Variants in PDE6C observed in about 807,000 individuals in gnomAD.
PDE6C encodes cone cGMP-specific 3',5'-cyclic phosphodiesterase subunit alpha'.
Under a neutral mutation model 113.1 loss-of-function variants are expected in PDE6C, and 75 were observed. The observed-to-expected ratio is 0.66, with a 90% CI of 0.55 to 0.80. The LOEUF is 0.80. Among genes scored for constraint, PDE6C ranks in the 30% least tolerant of loss-of-function variants. The probability of loss-of-function intolerance (pLI) is 0.00; values close to 1 mark genes in which losing one functional copy is unlikely to be tolerated. For synonymous variants in PDE6C, 375 were observed against 363.7 expected (o/e 1.03, Z -0.35); for missense variants, 912 against 1,038.6 (o/e 0.88, Z 1.67).
Position 93,665,413 on chromosome 10 carries a change from T to C in PDE6C, c.2572T>C (p.Leu858=), listed in dbSNP as rs1428142024. 6.3e-7 allele frequency: 1 copy of C among 1,584,936 alleles called. No homozygotes were observed. The highest frequency in any genetic ancestry group is 1.7e-5 in the Admixed American group (1 of 59,976). The change falls in exon 22 of 22, where the codon TTG becomes CTG. Residue 858 remains leucine (L), a synonymous_variant. Transcript: ENST00000371447. ...CAAAAAGTCCAAAACATGTTTAATG[T>C]TGTAATATTATCTAACTGGTCTAAA... ...DDKKSKTCLM[L]
chr10:93,665,172 A>G lies in PDE6C; in HGVS notation c.2519-188A>G, dbSNP rs1480951516. On this transcript the variant is annotated intron_variant, in intron 21 of 21. Coordinates refer to ENST00000371447, the MANE Select transcript of PDE6C (RefSeq NM_006204.4). ...GCAGGAGCCACTGCACCTAACCCAG[A>G]TTTTATTTTTTGAATGGACCAACTC... Among the ~76,000 whole-genome samples the G allele has an allele frequency of 3.3e-5, 5 of 152,090 alleles. 1 individual carries two copies. Among genetic ancestry groups the G allele is most frequent in the Non-Finnish European group, 5.9e-5 (4 of 67,994 alleles).
chr10:93,621,897 A>G (rs1303882541), intron 3 of PDE6C, 35 bp from the exon 4 acceptor site: 1 of 1,598,798 alleles, frequency 6.3e-7, no homozygotes, highest in Non-Finnish European at 8.6e-7. Context: ...AGCATACTTT[A>G]TTCTAACTGT....
intron 11 of PDE6C, among the ~76,000 whole-genome samples, chr10:93,639,359 G>C (rs1169869704): frequency 6.6e-6 from 1 of 152,178 alleles, no homozygotes; most frequent in Non-Finnish European, 1.5e-5. Flanking sequence ...TTCCTTAAGG[G>C]CAAGATACAT....
intron 4 of PDE6C, among the ~76,000 whole-genome samples, chr10:93,622,639 GTT>G (rs67350128): frequency 8.8e-6 from 1 of 113,992 alleles, no homozygotes; most frequent in East Asian, 2.7e-4. Flanking sequence ...GTAGCCACAG[GTT>G]TTTTTTTTGT....
At chr10:93,663,242 T>C in intron 21 of PDE6C, 64 bp downstream of exon 21, 1 of 1,506,878 alleles carries the variant, frequency 6.6e-7, no homozygotes, top group Non-Finnish European at 9.2e-7. Context: ...CTTAATGGCA[T>C]GTGACAAAGC....
chr10:93,646,045 G>A lies in PDE6C; in HGVS notation c.1933G>A (p.Glu645Lys). Residue 645 changes from glutamate (E) to lysine (K), a missense_variant and splice_region_variant, in exon 15 of 22, where the codon GAG becomes AAG. Transcript: ENST00000371447. ...GTACAGTAAGACTCTGTTGCAGGAT[G>A]AGGTACGTAAACCTCTCTTTAGGAC... ...LEYSKTLLQDESLNIFQNLNK... is the reference protein window; with the variant it reads ...LEYSKTLLQDKSLNIFQNLNK... The A allele has an allele frequency of 6.4e-7, 1 of 1,559,998 alleles. No homozygotes were observed. The highest frequency in any genetic ancestry group is 8.8e-7 in the Non-Finnish European group (1 of 1,130,444).
rs563506673 is a variant in PDE6C, at chr10:93,634,739, G to A, written c.1120-19G>A. On this transcript the variant is annotated intron_variant, in intron 8 of 21. Coordinates refer to ENST00000371447, the MANE Select transcript of PDE6C (RefSeq NM_006204.4). Reference sequence around the variant, plus strand: ...CTAAAAAGGCAAAAAAATAACTTGAGGTCCCTTCTCGTTTGTAGAAAGGAC... The same window carrying A: ...CTAAAAAGGCAAAAAAATAACTTGAAGTCCCTTCTCGTTTGTAGAAAGGAC... The A allele has an allele frequency of 1.2e-6, 2 of 1,613,764 alleles. No homozygotes were observed. Among genetic ancestry groups the A allele is most frequent in the South Asian group, 2.2e-5 (2 of 91,048 alleles).
rs2058524456 is a variant in PDE6C, at chr10:93,635,549, A to C, written c.1322A>C (p.Lys441Thr). ...WSLLNTDTYDKMNKLENRKDI... is the reference protein window; with the variant it reads ...WSLLNTDTYDTMNKLENRKDI... ...CTTTTAAATACTGACACCTACGATA[A>C]GATGAATAAGCTAGAAAACAGAAAG... The change falls in exon 10 of 22, where the codon AAG becomes ACG. Residue 441 changes from lysine to threonine, a missense_variant. By Grantham distance (78) the Lys-to-Thr change is moderately conservative. Transcript: ENST00000371447. The C allele has an allele frequency of 6.2e-7, 1 of 1,612,988 alleles. No individual in the cohort carries two copies. Among genetic ancestry groups the C allele is most frequent in the Admixed American group, 1.7e-5 (1 of 60,018 alleles).
chr10:93,636,205 C>T (rs1353394975), intron 10 of PDE6C, among the ~76,000 whole-genome samples: 1 of 152,206 alleles, frequency 6.6e-6, no homozygotes, highest in Non-Finnish European at 1.5e-5. Context: ...GCTCACATCA[C>T]ATTCACCAAA....
At chr10:93,633,184 G>T (rs372669500) in intron 8 of PDE6C, among the ~76,000 whole-genome samples, 3 of 152,186 alleles carry the variant, frequency 2.0e-5, no homozygotes, top group East Asian at 3.8e-4. Context: ...TGCATGCCCA[G>T]GCCAGGCATA....
In PDE6C at chr10:93,655,834, A is replaced by G; in HGVS notation, c.2010A>G (p.Ile670Met). 1 of 1,594,812 alleles carries G rather than the reference A, an allele frequency of 6.3e-7. No homozygotes were observed. The highest frequency in any genetic ancestry group is 8.6e-7 in the Non-Finnish European group (1 of 1,162,342). The change falls in exon 16 of 22, where the codon ATA becomes ATG. Residue 670 changes from isoleucine (I) to methionine (M), a missense_variant. Transcript: ENST00000371447. ...TTCATTTGTTCGAGGTCGCAATAAT[A>G]GCAACTGACCTGGCTTTATATTTCA... is the stretch of plus-strand genomic sequence containing the variant. The part of the protein sequence containing the change: ...TVIHLFEVAI[I>M]ATDLALYFKK...
In PDE6C at chr10:93,665,482, A is replaced by G. The variant is rs1781280550; in HGVS notation, c.*64A>G. ...CTTTGAAGAAAACCAGAAAACATTCAAAAGAACTTCAACAAATCATCACGT... is the reference window on the plus strand; with the variant it reads ...CTTTGAAGAAAACCAGAAAACATTCGAAAGAACTTCAACAAATCATCACGT... On this transcript the variant is annotated 3_prime_UTR_variant, in exon 22 of 22. Coordinates refer to ENST00000371447, the MANE Select transcript of PDE6C (RefSeq NM_006204.4). 1 of 1,076,868 alleles carries G rather than the reference A, an allele frequency of 9.3e-7. No homozygotes were observed. Among genetic ancestry groups the G allele is most frequent in the African/African-American group, 1.5e-5 (1 of 64,682 alleles). The allele number at this position is 1,076,868 out of a possible 1,614,324, so 66.7% of individuals were successfully genotyped here.
At chr10:93,625,495 A>C in intron 4 of PDE6C, 80 bp from the exon 5 acceptor site, 1 of 972,426 alleles carries the variant, frequency 1.0e-6, no homozygotes, top group Non-Finnish European at 1.7e-6. Context: ...CATAAAATAT[A>C]CAAACACATA....
chr10:93,662,351 C>A (rs1244471818), intron 19 of PDE6C, among the ~76,000 whole-genome samples: 2 of 150,974 alleles, frequency 1.3e-5, no homozygotes, highest in African/African-American at 4.9e-5. Flanking sequence ...TAGTCCCAGC[C>A]ACTCGGGAGG....
chr10:93,664,780 C>CAAGCTCAG (rs2133880764), intron 21 of PDE6C, among the ~76,000 whole-genome samples: 1 of 152,294 alleles, frequency 6.6e-6, no homozygotes, highest in East Asian at 1.9e-4. Flanking sequence ...CTTTGTGCAT[C>CAAGCTCAG]AAGCTCAGAT....
At chr10:93,662,437 G>C in intron 19 of PDE6C, 123 bp from the exon 20 acceptor site, 1 of 561,752 alleles carries the variant, frequency 1.8e-6, no homozygotes, top group Non-Finnish European at 3.2e-6. Context: ...CACCCAGACT[G>C]GAGACAGAGT....
intron 15 of PDE6C, among the ~76,000 whole-genome samples, chr10:93,653,275 C>A (rs972508758): frequency 6.6e-6 from 1 of 152,120 alleles, no homozygotes; most frequent in African/African-American, 2.4e-5. Flanking sequence ...TTGAAAATAA[C>A]CTGTATCCAG....
intron 14 of PDE6C, among the ~76,000 whole-genome samples, chr10:93,641,855 A>G (rs1257106265): frequency 6.6e-6 from 1 of 152,108 alleles, no homozygotes; most frequent in Admixed American, 6.5e-5. Flanking sequence ...TCTTGCCCCA[A>G]GAAAGGAAGT....
At chr10:93,662,460 CAAAAAAAAAAAAAAAA>C in intron 19 of PDE6C, 84 bp from the exon 20 acceptor site, 1 of 317,270 alleles carries the variant, frequency 3.2e-6, no homozygotes, top group South Asian at 2.2e-5. Flanking sequence ...GACTCTGCCT[CAAAAAAAAAAAAAAAA>C]AAAAAAAAGT....
Sources: allele counts gnomAD v4.1 joint callset (sites outside exome capture counted in the v4.1 genomes callset), GRCh38; gene constraint gnomAD v4.1.1; transcripts MANE v1.5; gene names NCBI Gene and HGNC (gene_info 2026-07-23, HGNC 2026-07-21).